The following TMEM132D variants were observed in gnomAD, a reference collection of about 807,000 sequenced individuals.
TMEM132D encodes mature OL transmembrane protein.
A neutral mutation model predicts 62.3 loss-of-function variants in TMEM132D; 21 were observed. That is an observed-to-expected ratio of 0.34 (90% CI 0.24 to 0.49). TMEM132D has a LOEUF of 0.49. Ranked by LOEUF, TMEM132D falls within the 20% of genes least tolerant of loss-of-function variation. The pLI, the probability that TMEM132D is intolerant of heterozygous loss-of-function variation, is 0.99. For missense variants in TMEM132D, 1,346 were observed against 1,402.8 expected, an observed-to-expected ratio of 0.96 and a Z score of 0.65; for synonymous variants, 621 against 575.6, an observed-to-expected ratio of 1.08 and a Z score of -1.13.
chr12:129,879,575 T>C (rs971729937), intron 1 of TMEM132D, among the ~76,000 whole-genome samples: 2 of 152,146 alleles, frequency 1.3e-5, no homozygotes, highest in African/African-American at 2.4e-5. Context: ...CCAGGTGCCA[T>C]GCCAGGAGAC....
intron 1 of TMEM132D, among the ~76,000 whole-genome samples, chr12:129,785,353 T>G (rs146096375): frequency 2.4e-4 from 37 of 152,326 alleles, no homozygotes; most frequent in South Asian, 6.2e-4. Context: ...GTTTGATGTT[T>G]GCATTTGTAT....
At chr12:129,615,755 C>T (rs1878896839) in intron 2 of TMEM132D, among the ~76,000 whole-genome samples, 1 of 149,344 alleles carries the variant, frequency 6.7e-6, no homozygotes, top group African/African-American at 2.5e-5. Context: ...CAGAGCAAGA[C>T]TCTGTCTCAA....
chr12:129,620,041 C>T (rs951720271), intron 2 of TMEM132D, among the ~76,000 whole-genome samples: 3 of 152,160 alleles, frequency 2.0e-5, no homozygotes, highest in African/African-American at 7.2e-5. Flanking sequence ...CTGCTTCTGT[C>T]CCTAAACCTG....
At chr12:129,330,006 CCTG>C (rs1869052951) in intron 4 of TMEM132D, among the ~76,000 whole-genome samples, 1 of 152,020 alleles carries the variant, frequency 6.6e-6, no homozygotes, top group African/African-American at 2.4e-5. Context: ...ATAAGTTTTG[CCTG>C]CTAAGATCAC....
chr12:129,791,459 G>T (rs916775845), intron 1 of TMEM132D, among the ~76,000 whole-genome samples: 2 of 152,188 alleles, frequency 1.3e-5, no homozygotes, highest in Non-Finnish European at 2.9e-5. Context: ...GAGCAAAACA[G>T]TAGAGAATAA....
At chr12:129,286,860 C>A (rs557220821) in intron 4 of TMEM132D, among the ~76,000 whole-genome samples, 41 of 152,098 alleles carry the variant, frequency 2.7e-4, no homozygotes, top group Non-Finnish European at 5.3e-4. Flanking sequence ...CCAGCCAGGC[C>A]AACATGGTGA....
In TMEM132D at chr12:129,198,773, A is replaced by G. The variant is rs535615664; in HGVS notation, c.1443+10747T>C. Among the ~76,000 whole-genome samples, 20 of 152,340 alleles carry G rather than the reference A, an allele frequency of 1.3e-4. No homozygotes were observed. The South Asian group carries it at 3.7e-3, about 28-fold the overall frequency. On this transcript the variant is annotated intron_variant, in intron 5 of 8. Coordinates refer to ENST00000422113, the MANE Select transcript of TMEM132D (RefSeq NM_133448.3). ...ATTGTACATTTCAAAACGTGTCAAG[A>G]GAGTAAATTTCAACTGTCCTCACTA...
intron 1 of TMEM132D, among the ~76,000 whole-genome samples, chr12:129,859,374 C>A (rs547439167): frequency 6.6e-6 from 1 of 152,210 alleles, no homozygotes; most frequent in African/African-American, 2.4e-5. Flanking sequence ...CCAACATACT[C>A]GGCTCAAAAT....
intron 2 of TMEM132D, among the ~76,000 whole-genome samples, chr12:129,605,594 TATATATATATACACACAC>T (rs1878597887): frequency 1.6e-5 from 1 of 64,022 alleles, no homozygotes; most frequent in Non-Finnish European, 3.4e-5. Flanking sequence ...GCATTATATA[TATATATATATACACACAC>T]ATATATATAT....
intron 4 of TMEM132D, chr12:129,262,849 G>T (rs751310589): frequency 6.6e-6 from 1 of 152,184 alleles, no homozygotes; most frequent in African/African-American, 2.4e-5. Flanking sequence ...ACAACTCATA[G>T]TTCAGTTCTA....
rs146696413 is a variant in TMEM132D, at chr12:129,495,021, T to C, written c.1115+36038A>G. 2.4e-3 allele frequency among the ~76,000 whole-genome samples: 364 copies of C among 152,234 alleles called. 1 individual carries two copies. The highest frequency in any genetic ancestry group is 4.0e-3 in the Non-Finnish European group (273 of 68,006). ...TGGTGTTGAGGGAAGCCCGGTGAGT[T>C]AGGGCTGACAAGAGGCTCTCTGTGC... On this transcript the variant is annotated intron_variant, in intron 3 of 8. Transcript: ENST00000422113.
chr12:129,676,843 ATCTT>A, intron 2 of TMEM132D, among the ~76,000 whole-genome samples: 1 of 152,122 alleles, frequency 6.6e-6, no homozygotes, highest in Non-Finnish European at 1.5e-5. Flanking sequence ...TACCTAATCT[ATCTT>A]TCTATGCATC....
rs1342471156 is a variant in TMEM132D at position 129,903,139 on chromosome 12, AAGCGCGCACACACACTTGCACACG to A, written c.79+98_79+121del. ...CACGCGCGCACACACACATGCACAC[AAGCGCGCACACACACTTGCACACG>A]AGCCCTCTCTCCCGGCCGCCCCCAT... On this transcript the variant is annotated intron_variant, in intron 1 of 8. Coordinates refer to ENST00000422113, the MANE Select transcript of TMEM132D (RefSeq NM_133448.3). The surrounding 1 kb of genome is among the most constrained non-coding windows in gnomAD (Gnocchi z 6.2). The A allele has an allele frequency of 7.6e-6, 8 of 1,050,374 alleles. No homozygotes were observed. In the Admixed American group the frequency reaches 1.8e-4, roughly 24 times the overall value. 65.1% of individuals were successfully genotyped at this position (1,050,374 alleles called of 1,614,324 possible). A position where few individuals can be genotyped will look rare whatever the true frequency, so the allele number is the denominator to read the frequency against.
At chr12:129,680,386 C>T (rs1056827745) in intron 2 of TMEM132D, among the ~76,000 whole-genome samples, 2 of 152,158 alleles carry the variant, frequency 1.3e-5, no homozygotes, top group Non-Finnish European at 2.9e-5. Flanking sequence ...ATAACAAGTT[C>T]ACAGAGTAGA....
chr12:129,772,587 G>A (rs896752861), intron 1 of TMEM132D, among the ~76,000 whole-genome samples: 1 of 152,162 alleles, frequency 6.6e-6, no homozygotes, highest in Admixed American at 6.5e-5. Flanking sequence ...AAGGTCCCCT[G>A]AAAACAAGGC....
At chr12:129,192,859 C>A (rs1393096725) in intron 5 of TMEM132D, among the ~76,000 whole-genome samples, 1 of 152,200 alleles carries the variant, frequency 6.6e-6, no homozygotes. Flanking sequence ...CACTACCATT[C>A]TAATGTTGGG....
chr12:129,292,715 A>C (rs1178547883), intron 4 of TMEM132D, among the ~76,000 whole-genome samples: 1 of 152,270 alleles, frequency 6.6e-6, no homozygotes, highest in African/African-American at 2.4e-5. Context: ...TTAATAGCAC[A>C]TAATTACCAA....
intron 2 of TMEM132D, among the ~76,000 whole-genome samples, chr12:129,596,472 T>C (rs547702914): frequency 6.6e-6 from 1 of 152,262 alleles, no homozygotes; most frequent in South Asian, 2.1e-4. Context: ...CGGTGGGGAA[T>C]TGGTTCCAGC....
intron 5 of TMEM132D, among the ~76,000 whole-genome samples, chr12:129,157,122 T>G (rs1877270476): frequency 6.6e-6 from 1 of 152,064 alleles, no homozygotes; most frequent in East Asian, 1.9e-4. Context: ...CCCACTTCTA[T>G]GATAGCTAAC....
Sources: allele counts gnomAD v4.1 joint callset (sites outside exome capture counted in the v4.1 genomes callset), GRCh38; gene constraint gnomAD v4.1.1; non-coding constraint Gnocchi (gnomAD v3.1); transcripts MANE v1.5; gene names NCBI Gene and HGNC (gene_info 2026-07-23, HGNC 2026-07-21).